The following IL1RAPL2 variants were observed in gnomAD, a reference collection of about 807,000 sequenced individuals.
The protein encoded by IL1RAPL2 is interleukin 1 receptor accessory protein like 2.
A neutral mutation model predicts 44.1 loss-of-function variants in IL1RAPL2; 3 were observed. That is an observed-to-expected ratio of 0.07 (90% CI 0.03 to 0.18). IL1RAPL2 has a LOEUF of 0.18. Among genes scored for constraint, IL1RAPL2 ranks in the 10% least tolerant of loss-of-function variants. The pLI is 1.00. For missense variants in IL1RAPL2, 391 were observed against 496.4 expected, an observed-to-expected ratio of 0.79 and a Z score of 2.02; for synonymous variants, 181 against 178.8, an observed-to-expected ratio of 1.01 and a Z score of -0.10.
At chrX:104,814,801 A>G (rs1921092912) in intron 2 of IL1RAPL2, among the ~76,000 whole-genome samples, 1 of 112,163 alleles carries the variant, frequency 8.9e-6, no homozygotes, top group Admixed American at 9.5e-5. Context: ...TCTACATCAA[A>G]GAAAGTGAGA....
intron 1 of IL1RAPL2, among the ~76,000 whole-genome samples, chrX:104,582,711 TTC>T (rs1928407549): frequency 1.0e-5 from 1 of 95,852 alleles, no homozygotes; most frequent in Non-Finnish European, 2.1e-5. Flanking sequence ...TCTCCTTTAT[TTC>T]TTTCTTTCTC....
intron 2 of IL1RAPL2, among the ~76,000 whole-genome samples, chrX:105,082,147 T>G (rs2032417854): frequency 9.0e-6 from 1 of 111,623 alleles, no homozygotes; most frequent in Non-Finnish European, 1.9e-5. Flanking sequence ...CTGCCTCAAT[T>G]TCAGAACTTG....
In IL1RAPL2 at chrX:104,582,603, T is replaced by TTA. The variant is rs1491556593; in HGVS notation, c.-20+15552_-20+15553insTA. Among the ~76,000 whole-genome samples the TTA allele has an allele frequency of 2.8e-4, 11 of 39,400 alleles. No homozygotes were observed. The East Asian group carries it at 0.012, about 43-fold the overall frequency. 34.2% of individuals were successfully genotyped at this position (39,400 alleles called of 115,157 possible). A position where few individuals can be genotyped will look rare whatever the true frequency, so the allele number is the denominator to read the frequency against. On this transcript the variant is annotated intron_variant, in intron 1 of 10. Transcript: ENST00000372582. ...TTTTCTTTCTTTCTTTCTTTTTCTT[T>TTA]CTTTCTTTCTTTCTTTCTTTCTTTC... is the stretch of plus-strand genomic sequence containing the variant.
chrX:105,319,201 T>C (rs1383961731), intron 5 of IL1RAPL2, among the ~76,000 whole-genome samples: 1 of 111,976 alleles, frequency 8.9e-6, no homozygotes, highest in Non-Finnish European at 1.9e-5. Context: ...ATATTCCAGG[T>C]TGACCCACAG....
Position 104,582,596 on chromosome X carries a change from TTTTC to T in IL1RAPL2, c.-20+15587_-20+15590del, listed in dbSNP as rs201257788. 7.7e-3 allele frequency among the ~76,000 whole-genome samples: 403 copies of T among 52,146 alleles called. 3 individuals are homozygous for T. Among genetic ancestry groups the T allele is most frequent in the Non-Finnish European group, 0.012 (310 of 26,606 alleles). The allele number at this position is 52,146 out of a possible 115,157, so 45.3% of individuals were successfully genotyped here. ...TCTTTCTTTTTCTTTCTTTCTTTCT[TTTTC>T]TTTCTTTCTTTCTTTCTTTCTTTCT... On this transcript the variant is annotated intron_variant, in intron 1 of 10. Transcript: ENST00000372582.
At chrX:104,870,597 A>G (rs1446396273) in intron 2 of IL1RAPL2, among the ~76,000 whole-genome samples, 2 of 111,018 alleles carry the variant, frequency 1.8e-5, no homozygotes, top group Non-Finnish European at 3.8e-5. Flanking sequence ...TGTGTTCTCA[A>G]CTCATACCTC....
At chrX:105,588,353 A>G (rs2037144486) in intron 6 of IL1RAPL2, among the ~76,000 whole-genome samples, 1 of 111,802 alleles carries the variant, frequency 8.9e-6, no homozygotes, top group Admixed American at 9.5e-5. Flanking sequence ...TGATTCTTAG[A>G]TAAAGACAAA....
At chrX:105,345,247 C>G (rs1265692381) in intron 5 of IL1RAPL2, among the ~76,000 whole-genome samples, 2 of 111,770 alleles carry the variant, frequency 1.8e-5, no homozygotes, top group Admixed American at 9.6e-5. Flanking sequence ...TATCAGATGC[C>G]TACTCAATTA....
At chrX:105,740,192 A>G (rs2038487112) in intron 7 of IL1RAPL2, among the ~76,000 whole-genome samples, 1 of 111,500 alleles carries the variant, frequency 9.0e-6, no homozygotes, top group Admixed American at 9.6e-5. Flanking sequence ...GACACAAAAA[A>G]CCCTTCAAAA....
intron 2 of IL1RAPL2, among the ~76,000 whole-genome samples, chrX:104,932,257 C>G (rs934663526): frequency 1.8e-5 from 2 of 109,879 alleles, no homozygotes; most frequent in Non-Finnish European, 3.8e-5. Flanking sequence ...CCTCAGCCTC[C>G]CAAAGTGCTG....
chrX:105,009,523 G>C (rs1244365487), intron 2 of IL1RAPL2, among the ~76,000 whole-genome samples: 1 of 98,557 alleles, frequency 1.0e-5, no homozygotes, highest in African/African-American at 3.8e-5. Flanking sequence ...ACCACATGTT[G>C]TCACTCATAG....
chrX:104,751,664 G>A (rs776609084), intron 2 of IL1RAPL2, among the ~76,000 whole-genome samples: 8 of 111,520 alleles, frequency 7.2e-5, no homozygotes, highest in African/African-American at 1.6e-4. Flanking sequence ...CACTGTTTAT[G>A]AACAGAAACA....
intron 2 of IL1RAPL2, among the ~76,000 whole-genome samples, chrX:104,933,964 G>T (rs746078782): frequency 1.8e-5 from 2 of 111,652 alleles, no homozygotes; most frequent in South Asian, 7.4e-4. Flanking sequence ...TTGCAAATGG[G>T]CTAAAGGCAA....
chrX:105,112,335 T>C lies in IL1RAPL2; in HGVS notation c.83-83140T>C, dbSNP rs756144379. Among the ~76,000 whole-genome samples the C allele has an allele frequency of 1.2e-4, 13 of 112,265 alleles. No homozygotes were observed. The South Asian group carries it at 4.8e-3, about 41-fold the overall frequency. On this transcript the variant is annotated intron_variant, in intron 2 of 10. Transcript: ENST00000372582. ...CTTAAAGAGAAGAATGTTGATTGAC[T>C]ACATAATTTTTCTTGCTCCTCTCCT...
chrX:104,696,256 A>G (rs1420004803), intron 2 of IL1RAPL2, among the ~76,000 whole-genome samples: 2 of 112,163 alleles, frequency 1.8e-5, no homozygotes, highest in African/African-American at 6.5e-5. Flanking sequence ...TTTAAAAGAG[A>G]GGGGTAAAGC....
At chrX:105,664,417 G>A (rs1247552708) in intron 6 of IL1RAPL2, among the ~76,000 whole-genome samples, 1 of 111,582 alleles carries the variant, frequency 9.0e-6, no homozygotes, top group East Asian at 2.8e-4. Context: ...TTATAAAGCT[G>A]GTAACCCCTG....
At chrX:104,592,141 G>GTA (rs1228765002) in intron 1 of IL1RAPL2, among the ~76,000 whole-genome samples, 8 of 82,435 alleles carry the variant, frequency 9.7e-5, no homozygotes, top group African/African-American at 1.4e-4. Flanking sequence ...TTTAATGCCC[G>GTA]TATATGTGTG....
chrX:105,295,597 T>A (rs962092446), intron 5 of IL1RAPL2, among the ~76,000 whole-genome samples: 4 of 111,854 alleles, frequency 3.6e-5, no homozygotes, highest in Non-Finnish European at 7.5e-5. Flanking sequence ...GTTTTTTAAG[T>A]GAAATAGAAA....
chrX:104,886,090 C>A (rs1923235281), intron 2 of IL1RAPL2, among the ~76,000 whole-genome samples: 1 of 113,191 alleles, frequency 8.8e-6, no homozygotes, highest in Admixed American at 9.3e-5. Context: ...TGACTGTCCT[C>A]AAGGTCTGTT....
Sources: allele counts gnomAD v4.1 joint callset (sites outside exome capture counted in the v4.1 genomes callset), GRCh38; gene constraint gnomAD v4.1.1; transcripts MANE v1.5; gene names NCBI Gene and HGNC (gene_info 2026-07-23, HGNC 2026-07-21).